Variants in SPSB1 observed in about 807,000 individuals in gnomAD.
SPSB1 encodes the protein splA/ryanodine receptor domain and SOCS box containing 1.
A neutral mutation model predicts 21.2 loss-of-function variants in SPSB1; 8 were observed. The ratio of observed to expected loss-of-function variants is 0.38; its 90% CI spans 0.22 to 0.68. The LOEUF is 0.68. SPSB1 is among the 30% of genes least tolerant of loss of function. The probability of loss-of-function intolerance (pLI) is 0.53; values close to 1 mark genes in which losing one functional copy is unlikely to be tolerated. For synonymous variants in SPSB1, 169 were observed against 161.7 expected, an observed-to-expected ratio of 1.05 and a Z score of -0.34; for missense variants, 242 against 377.8, an observed-to-expected ratio of 0.64 and a Z score of 2.98.
Position 9,338,141 on chromosome 1 carries a change from G to A in SPSB1, c.-149-17602G>A, listed in dbSNP as rs186398069. Among the ~76,000 whole-genome samples, 279 of 152,304 alleles carry A rather than the reference G, an allele frequency of 1.8e-3. 1 individual carries two copies. The highest frequency in any genetic ancestry group is 6.0e-3 in the African/African-American group (249 of 41,564). On this transcript the variant is annotated intron_variant, in intron 1 of 2. Transcript: ENST00000328089. ...CTCCCTGCAGGTCCCCTGTCCCCTCGCTCCTCCCCCCAGACCTGGAGACAT... is the reference window on the plus strand; with the variant it reads ...CTCCCTGCAGGTCCCCTGTCCCCTCACTCCTCCCCCCAGACCTGGAGACAT...
intron 1 of SPSB1, among the ~76,000 whole-genome samples, chr1:9,337,798 C>CTG (rs1160723502): frequency 6.6e-6 from 1 of 152,244 alleles, no homozygotes; most frequent in Non-Finnish European, 1.5e-5. Context: ...CTCCCTCACT[C>CTG]TGTCTCTGTC....
At position 9,346,937 on chromosome 1, in the gene SPSB1, A is replaced by G. The variant is rs1640174490; in HGVS notation, c.-149-8806A>G. 6.6e-6 allele frequency among the ~76,000 whole-genome samples: 1 copy of G among 152,194 alleles called. No individual in the cohort carries two copies. Among genetic ancestry groups the G allele is most frequent in the South Asian group, 2.1e-4 (1 of 4,826 alleles). Reference sequence around the variant, plus strand: ...TGTAATTTTGAAACAGTATAATCGGAAGTCTTGGGATAGATCACTGTAGAA... The same window carrying G: ...TGTAATTTTGAAACAGTATAATCGGGAGTCTTGGGATAGATCACTGTAGAA... On this transcript the variant is annotated intron_variant, in intron 1 of 2. Coordinates refer to ENST00000328089, the MANE Select transcript of SPSB1 (RefSeq NM_025106.4). This position sits in a 1 kb window ranked among gnomAD's most constrained non-coding sequence, Gnocchi z 4.4.
chr1:9,364,579 G>A (rs1007203867), intron 2 of SPSB1, among the ~76,000 whole-genome samples: 3 of 152,096 alleles, frequency 2.0e-5, no homozygotes, highest in Non-Finnish European at 2.9e-5. Flanking sequence ...CATCACGAGG[G>A]GTCTGTGGGA....
chr1:9,362,511 G>T (rs1640498756), intron 2 of SPSB1, among the ~76,000 whole-genome samples: 1 of 152,262 alleles, frequency 6.6e-6, no homozygotes, highest in South Asian at 2.1e-4. Context: ...CAAGCTGCTT[G>T]CAGGGCCAGC....
At position 9,293,141 on chromosome 1, in the gene SPSB1, C is replaced by T. The variant is rs1639147958; in HGVS notation, c.-150+70C>T. On this transcript the variant is annotated intron_variant, in intron 1 of 2. Coordinates refer to ENST00000328089, the MANE Select transcript of SPSB1 (RefSeq NM_025106.4). The surrounding 1 kb of genome is among the most constrained non-coding windows in gnomAD (Gnocchi z 5.1). ...GCCCGGGAGGGGGAGGCGCGGGGGG[C>T]CGGGCGAGGGCGGACGCGGGGATCG... The T allele has an allele frequency of 4.1e-6, 4 of 970,192 alleles. No individual in the cohort carries two copies. The highest frequency in any genetic ancestry group is 4.9e-6 in the Non-Finnish European group (4 of 818,948). The allele number at this position is 970,192 out of a possible 1,614,324, so 60.1% of individuals were successfully genotyped here.
intron 2 of SPSB1, among the ~76,000 whole-genome samples, chr1:9,359,276 G>A (rs781539197): frequency 2.0e-5 from 3 of 152,226 alleles, no homozygotes; most frequent in Non-Finnish European, 4.4e-5. Flanking sequence ...GCAAAACATT[G>A]GAGGGTGGGG....
chr1:9,313,591 C>T (rs1476349033), intron 1 of SPSB1, among the ~76,000 whole-genome samples: 1 of 151,566 alleles, frequency 6.6e-6, no homozygotes, highest in Non-Finnish European at 1.5e-5. Context: ...GGGGTGGGCC[C>T]GGGCTGCTGG....
Position 9,335,542 on chromosome 1 carries a change from C to T in SPSB1, c.-149-20201C>T, listed in dbSNP as rs955757081. 2.7e-5 allele frequency among the ~76,000 whole-genome samples: 4 copies of T among 150,538 alleles called. No individual in the cohort carries two copies. In the South Asian group the frequency reaches 6.3e-4, roughly 24 times the overall value. Reference sequence around the variant, plus strand: ...ATCGTTGTGGGGTCGGGTGCAGTGGCTCACGCCTGTAATCCCAGCACTTCG... The same window carrying T: ...ATCGTTGTGGGGTCGGGTGCAGTGGTTCACGCCTGTAATCCCAGCACTTCG... On this transcript the variant is annotated intron_variant, in intron 1 of 2. Coordinates refer to ENST00000328089, the MANE Select transcript of SPSB1 (RefSeq NM_025106.4).
Position 9,324,854 on chromosome 1 carries a change from C to T in SPSB1, c.-149-30889C>T, listed in dbSNP as rs1227472758. 1.3e-5 allele frequency among the ~76,000 whole-genome samples: 2 copies of T among 152,212 alleles called. No individual in the cohort carries two copies. Among genetic ancestry groups the T allele is most frequent in the African/African-American group, 4.8e-5 (2 of 41,450 alleles). On this transcript the variant is annotated intron_variant, in intron 1 of 2. Coordinates refer to ENST00000328089, the MANE Select transcript of SPSB1 (RefSeq NM_025106.4). The surrounding 1 kb of genome is among the most constrained non-coding windows in gnomAD (Gnocchi z 4.3). ...TTTGCGACAAGTCTGTTCGCCTGGC[C>T]GTGGAGCCAGCACGGTCTTGTCGGA...
At chr1:9,366,014 A>G (rs1268914659) in intron 2 of SPSB1, among the ~76,000 whole-genome samples, 2 of 152,252 alleles carry the variant, frequency 1.3e-5, no homozygotes, top group African/African-American at 2.4e-5. Flanking sequence ...CTTGGAAGGC[A>G]TGAGTTTCAG....
rs115877860 is a variant in SPSB1 at position 9,315,505 on chromosome 1, G to A, written c.-150+22434G>A. Among the ~76,000 whole-genome samples, 548 of 152,324 alleles carry A rather than the reference G, an allele frequency of 3.6e-3. 3 individuals are homozygous for A. The highest frequency in any genetic ancestry group is 0.01 in the African/African-American group (432 of 41,566). Reference sequence around the variant, plus strand: ...AGGAAACCAAGACCTGGAGAGGCTCGAGTCACATGACGGGGTGGGAGCTGA... The same window carrying A: ...AGGAAACCAAGACCTGGAGAGGCTCAAGTCACATGACGGGGTGGGAGCTGA... On this transcript the variant is annotated intron_variant, in intron 1 of 2. Coordinates refer to ENST00000328089, the MANE Select transcript of SPSB1 (RefSeq NM_025106.4).
chr1:9,340,943 A>C (rs1640082027), intron 1 of SPSB1, among the ~76,000 whole-genome samples: 2 of 152,174 alleles, frequency 1.3e-5, no homozygotes, highest in Non-Finnish European at 2.9e-5. Flanking sequence ...GGTCTAGCTC[A>C]AAAGGCCAGT....
chr1:9,337,730 C>T (rs1640026967), intron 1 of SPSB1, among the ~76,000 whole-genome samples: 2 of 152,212 alleles, frequency 1.3e-5, no homozygotes. Context: ...TCCGTGGAGG[C>T]TGCAGAGCCG....
In SPSB1 at chr1:9,320,935, C is replaced by T. The variant is rs573264379; in HGVS notation, c.-150+27864C>T. Among the ~76,000 whole-genome samples the T allele has an allele frequency of 8.0e-5, 12 of 150,284 alleles. No homozygotes were observed. The South Asian group carries it at 1.7e-3, about 22-fold the overall frequency. The stretch of plus-strand genomic sequence containing the variant: ...GGGCCAAACCCCTCCCCCTGCCAGG[C>T]TCCAGTGGAAGGTCCCCCTCCCCTG... On this transcript the variant is annotated intron_variant, in intron 1 of 2. Coordinates refer to ENST00000328089, the MANE Select transcript of SPSB1 (RefSeq NM_025106.4).
intron 1 of SPSB1, among the ~76,000 whole-genome samples, chr1:9,295,002 G>C (rs1639194380): frequency 6.6e-6 from 1 of 152,148 alleles, no homozygotes; most frequent in Admixed American, 6.5e-5. Context: ...GCACAGCCAG[G>C]GCTGTGGACC....
chr1:9,293,449 C>G lies in SPSB1; in HGVS notation c.-150+378C>G, dbSNP rs865786313. Among the ~76,000 whole-genome samples, 2 of 151,628 alleles carry G rather than the reference C, an allele frequency of 1.3e-5. No homozygotes were observed. Among genetic ancestry groups the G allele is most frequent in the East Asian group, 2.0e-4 (1 of 5,124 alleles). The stretch of plus-strand genomic sequence containing the variant: ...GCTCCGGGGCCGCCGACCCGTCCCC[C>G]CTTTAGCCCGGGGAAAGCGGGACCC... On this transcript the variant is annotated intron_variant, in intron 1 of 2. Transcript: ENST00000328089. The surrounding 1 kb of genome is among the most constrained non-coding windows in gnomAD (Gnocchi z 5.1).
chr1:9,299,941 G>A (rs530322935), intron 1 of SPSB1, among the ~76,000 whole-genome samples: 57 of 141,224 alleles, frequency 4.0e-4, no homozygotes, highest in Non-Finnish European at 7.5e-4. Context: ...TCCAACCTGG[G>A]CAACAGAGTA....
chr1:9,303,007 C>A (rs1259043506), intron 1 of SPSB1, among the ~76,000 whole-genome samples: 1 of 152,168 alleles, frequency 6.6e-6, no homozygotes, highest in African/African-American at 2.4e-5. Flanking sequence ...ACAGTGATTC[C>A]ATTGAACGGG....
chr1:9,352,071 C>T (rs2100511480), intron 1 of SPSB1, among the ~76,000 whole-genome samples: 1 of 152,272 alleles, frequency 6.6e-6, no homozygotes, highest in Non-Finnish European at 1.5e-5. Flanking sequence ...AAGGCCTGGG[C>T]TGGGGTGAGG....
Sources: allele counts gnomAD v4.1 joint callset (sites outside exome capture counted in the v4.1 genomes callset), GRCh38; gene constraint gnomAD v4.1.1; non-coding constraint Gnocchi (gnomAD v3.1); transcripts MANE v1.5; gene names NCBI Gene and HGNC (gene_info 2026-07-23, HGNC 2026-07-21).